Variants in ADCY8 observed in about 807,000 individuals in gnomAD.
ADCY8 encodes adenylate cyclase 8, also known as adenylate cyclase type 8.
Under a neutral mutation model 119.7 loss-of-function variants are expected in ADCY8, and 51 were observed. That is an observed-to-expected ratio of 0.43 (90% CI 0.34 to 0.54). ADCY8 has a LOEUF of 0.54. Ranked by LOEUF, ADCY8 falls within the 20% of genes least tolerant of loss-of-function variation. The pLI, the probability that ADCY8 is intolerant of heterozygous loss-of-function variation, is 0.03. For synonymous variants in ADCY8, 665 were observed against 651.0 expected, an observed-to-expected ratio of 1.02 and a Z score of -0.33; for missense variants, 1,383 against 1,598.8, an observed-to-expected ratio of 0.87 and a Z score of 2.30.
intron 5 of ADCY8, among the ~76,000 whole-genome samples, chr8:130,925,237 CAAAA>C (rs1320281244): frequency 6.6e-6 from 1 of 151,844 alleles, no homozygotes; most frequent in Non-Finnish European, 1.5e-5. Flanking sequence ...ACAAAACAAA[CAAAA>C]AGAAACTCAA....
At chr8:130,934,305 G>A (rs1820721485) in intron 5 of ADCY8, among the ~76,000 whole-genome samples, 1 of 152,184 alleles carries the variant, frequency 6.6e-6, no homozygotes, top group Admixed American at 6.5e-5. Flanking sequence ...GAGGCCACAG[G>A]AAACTTACAA....
At chr8:130,863,181 C>T (rs561028915) in intron 9 of ADCY8, among the ~76,000 whole-genome samples, 2 of 150,094 alleles carry the variant, frequency 1.3e-5, no homozygotes, top group African/African-American at 4.9e-5. Flanking sequence ...TCATATTGCT[C>T]GTTCTTCTTA....
intron 6 of ADCY8, among the ~76,000 whole-genome samples, chr8:130,906,341 C>T (rs2130539375): frequency 6.6e-6 from 1 of 152,280 alleles, no homozygotes; most frequent in East Asian, 1.9e-4. Context: ...TCTAAAGTAC[C>T]ATGGTTGATT....
intron 2 of ADCY8, among the ~76,000 whole-genome samples, chr8:130,966,568 C>G (rs1235886335): frequency 6.6e-6 from 1 of 152,176 alleles, no homozygotes; most frequent in Non-Finnish European, 1.5e-5. Context: ...AGACCAGCAT[C>G]AAGTATCTAA....
intron 5 of ADCY8, among the ~76,000 whole-genome samples, chr8:130,929,253 A>G: frequency 6.6e-6 from 1 of 151,836 alleles, no homozygotes; most frequent in East Asian, 1.9e-4. Flanking sequence ...TGTTTATTTG[A>G]GATCCTCTTT....
chr8:130,845,676 A>G (rs1817274320), intron 11 of ADCY8, among the ~76,000 whole-genome samples: 1 of 152,166 alleles, frequency 6.6e-6, no homozygotes, highest in South Asian at 2.1e-4. Flanking sequence ...AGGGAGTCCC[A>G]GGGCACATGG....
intron 2 of ADCY8, among the ~76,000 whole-genome samples, chr8:130,974,053 G>T (rs895377866): frequency 2.6e-5 from 4 of 152,204 alleles, no homozygotes; most frequent in African/African-American, 9.7e-5. Context: ...GATAATATGT[G>T]TATACAAAGT....
At chr8:130,908,863 TCCC>T (rs1819876363) in intron 6 of ADCY8, among the ~76,000 whole-genome samples, 1 of 152,108 alleles carries the variant, frequency 6.6e-6, no homozygotes, top group African/African-American at 2.4e-5. Context: ...GTTGTCTGTT[TCCC>T]CCATGATAAC....
chr8:130,960,633 A>C (rs1001025824), intron 2 of ADCY8, among the ~76,000 whole-genome samples: 2 of 152,080 alleles, frequency 1.3e-5, no homozygotes, highest in Admixed American at 6.6e-5. Context: ...GGACAACTAC[A>C]TTGTCTTGCA....
chr8:130,833,262 T>C (rs900799924), intron 12 of ADCY8, among the ~76,000 whole-genome samples: 3 of 152,210 alleles, frequency 2.0e-5, no homozygotes, highest in African/African-American at 4.8e-5. Context: ...GATCTGTTAT[T>C]TACTGGCCGT....
At chr8:130,812,972 G>T (rs1468908618) in intron 14 of ADCY8, among the ~76,000 whole-genome samples, 12 of 146,672 alleles carry the variant, frequency 8.2e-5, no homozygotes, top group Admixed American at 7.5e-4. Flanking sequence ...TTTTGAGATG[G>T]ATTCTCAGTC....
intron 1 of ADCY8, among the ~76,000 whole-genome samples, chr8:131,023,891 A>G (rs1409834549): frequency 6.6e-6 from 1 of 152,252 alleles, no homozygotes; most frequent in Admixed American, 6.5e-5. Context: ...CTTCCACAAA[A>G]TTAAGAAGGA....
chr8:130,830,489 C>A (rs1418246431), intron 12 of ADCY8, among the ~76,000 whole-genome samples: 1 of 152,136 alleles, frequency 6.6e-6, no homozygotes, highest in African/African-American at 2.4e-5. Context: ...GCATCTGTCC[C>A]TGATCATTCT....
chr8:130,962,641 CTTTATTTTATGCAAA>C (rs1821639512), intron 2 of ADCY8, among the ~76,000 whole-genome samples: 2 of 152,212 alleles, frequency 1.3e-5, no homozygotes, highest in Non-Finnish European at 2.9e-5. Context: ...GATTCAGGAT[CTTTATTTTATGCAAA>C]TGCTTATAGC....
At chr8:131,002,812 G>GA (rs79620532) in intron 1 of ADCY8, among the ~76,000 whole-genome samples, 2 of 151,816 alleles carry the variant, frequency 1.3e-5, no homozygotes, top group Admixed American at 6.6e-5. Context: ...GTAAGAAGGG[G>GA]AAAAAAACAG....
intron 5 of ADCY8, among the ~76,000 whole-genome samples, chr8:130,919,581 A>G (rs1427677690): frequency 6.6e-6 from 1 of 152,164 alleles, no homozygotes; most frequent in Non-Finnish European, 1.5e-5. Context: ...CTGTGGTGTC[A>G]CTATTTTTGT....
intron 1 of ADCY8, among the ~76,000 whole-genome samples, chr8:131,028,101 C>T (rs1026072332): frequency 6.6e-5 from 10 of 152,218 alleles, no homozygotes; most frequent in Admixed American, 5.2e-4. Flanking sequence ...GAGTGTTGAA[C>T]TATCCTTCTT....
intron 1 of ADCY8, among the ~76,000 whole-genome samples, chr8:131,030,541 G>T (rs1038414679): frequency 5.3e-5 from 8 of 152,136 alleles, no homozygotes; most frequent in African/African-American, 1.9e-4. Context: ...CTGAATCCCT[G>T]AATCCTGTGC....
rs148541839 is a variant in ADCY8 at position 130,872,756 on chromosome 8, G to A, written c.2110-4810C>T. Among the ~76,000 whole-genome samples, 283 of 152,264 alleles carry A rather than the reference G, an allele frequency of 1.9e-3. 1 individual carries two copies. Among genetic ancestry groups the A allele is most frequent in the African/African-American group, 6.1e-3 (253 of 41,564 alleles). ...ATAGGGAAGAAAACAAAAGACAGTA[G>A]ATTTTATTTAAATGCAACAGAAGGA... On this transcript the variant is annotated intron_variant, in intron 8 of 17. Coordinates refer to ENST00000286355, the MANE Select transcript of ADCY8 (RefSeq NM_001115.3).
Sources: gnomAD v4.1 joint callset for allele counts (sites outside exome capture counted in the v4.1 genomes callset) on GRCh38, gnomAD v4.1.1 for gene constraint, MANE v1.5 for transcripts, NCBI Gene and HGNC (gene_info 2026-07-23, HGNC 2026-07-21) for gene names.